The following WDR41 variants were observed in gnomAD, a reference collection of about 807,000 sequenced individuals.
The protein encoded by WDR41 is WD repeat-containing protein 41.
In WDR41, 63 loss-of-function variants were observed where a neutral mutation model predicts 69.3. That is an observed-to-expected ratio of 0.91 (90% CI 0.74 to 1.12). WDR41 has a LOEUF of 1.12. WDR41 is among the 50% of genes most tolerant of loss of function. WDR41 has a pLI of 0.00. For synonymous variants in WDR41, 185 were observed against 192.1 expected, an observed-to-expected ratio of 0.96 and a Z score of 0.31; for missense variants, 543 against 534.5, an observed-to-expected ratio of 1.02 and a Z score of -0.16.
At chr5:77,447,181 A>G (rs1368081501) in intron 8 of WDR41, among the ~76,000 whole-genome samples, 1 of 152,262 alleles carries the variant, frequency 6.6e-6, no homozygotes, top group Non-Finnish European at 1.5e-5. Context: ...ATCACTGATC[A>G]TTAGAGAAAT....
intron 1 of WDR41, among the ~76,000 whole-genome samples, chr5:77,595,031 G>A (rs975736645): frequency 6.6e-6 from 1 of 152,144 alleles, no homozygotes; most frequent in African/African-American, 2.4e-5. Flanking sequence ...ACAGAGGAGA[G>A]AAAACATTTT....
chr5:77,574,853 C>T (rs1186027952), intron 1 of WDR41, among the ~76,000 whole-genome samples: 1 of 152,142 alleles, frequency 6.6e-6, no homozygotes, highest in Non-Finnish European at 1.5e-5. Flanking sequence ...GTAGTTGAAA[C>T]AAGAAAGTCC....
chr5:77,601,693 A>T (rs1744326323), intron 1 of WDR41, among the ~76,000 whole-genome samples: 1 of 152,140 alleles, frequency 6.6e-6, no homozygotes, highest in African/African-American at 2.4e-5. Context: ...TCACCACCCA[A>T]TGGCTCATCT....
At chr5:77,460,740 TG>T (rs1475583173) in intron 4 of WDR41, among the ~76,000 whole-genome samples, 1 of 152,220 alleles carries the variant, frequency 6.6e-6, no homozygotes, top group East Asian at 1.9e-4. Context: ...ACAATATTTT[TG>T]GTAATTTTGT....
intron 1 of WDR41, among the ~76,000 whole-genome samples, chr5:77,502,413 A>G (rs1285404976): frequency 1.3e-5 from 2 of 152,204 alleles, no homozygotes; most frequent in African/African-American, 4.8e-5. Context: ...CCTGAAAGTG[A>G]TCGGGAGAAT....
rs574458526 is a variant in WDR41, at chr5:77,609,010, C to G, written c.42+11469G>C. Among the ~76,000 whole-genome samples, 23 of 152,344 alleles carry G rather than the reference C, an allele frequency of 1.5e-4. No individual in the cohort carries two copies. The East Asian group carries it at 4.2e-3, about 28-fold the overall frequency. ...GCGCACCGGGAGATTATATCCCGCA[C>G]CTGGCTCGGAGGGTCCTATGCCCAC... On this transcript the variant is annotated intron_variant, in intron 1 of 5. Transcript: ENST00000509971.
chr5:77,451,186 T>C (rs1799613879), intron 7 of WDR41, 105 bp downstream of exon 7: 2 of 993,758 alleles, frequency 2.0e-6, no homozygotes, highest in Non-Finnish European at 3.1e-6. Context: ...AAGCCAAGAG[T>C]GGGGCACACG....
intron 1 of WDR41, among the ~76,000 whole-genome samples, chr5:77,503,528 A>G (rs1802053006): frequency 6.6e-6 from 1 of 152,236 alleles, no homozygotes. Context: ...AAGCAGACCT[A>G]ATAGACATCT....
At chr5:77,517,921 T>C (rs1419600998) in intron 1 of WDR41, among the ~76,000 whole-genome samples, 1 of 152,138 alleles carries the variant, frequency 6.6e-6, no homozygotes, top group African/African-American at 2.4e-5. Flanking sequence ...ATGTGTATTG[T>C]GTATACCATC....
At chr5:77,506,022 C>G (rs956876978) in intron 1 of WDR41, among the ~76,000 whole-genome samples, 15 of 152,214 alleles carry the variant, frequency 9.9e-5, no homozygotes, top group African/African-American at 3.6e-4. Flanking sequence ...GCAAGAAAAG[C>G]CAAAATAGAC....
At chr5:77,451,654 G>A (rs1222350181) in intron 6 of WDR41, 1 of 245,388 alleles carries the variant, frequency 4.1e-6, no homozygotes, top group African/African-American at 2.3e-5. Context: ...ATTTACCAGG[G>A]ATCCCTTAAG....
At position 77,432,935 on chromosome 5, in the gene WDR41, A is replaced by G; in HGVS notation, c.*200T>C. 2.0e-6 allele frequency: 1 copy of G among 500,024 alleles called. No homozygotes were observed. The highest frequency in any genetic ancestry group is 3.4e-5 in the East Asian group (1 of 29,724). The allele number at this position is 500,024 out of a possible 1,614,324, so 31.0% of individuals were successfully genotyped here. On this transcript the variant is annotated 3_prime_UTR_variant, in exon 13 of 13. Coordinates refer to ENST00000296679, the MANE Select transcript of WDR41 (RefSeq NM_018268.4). ...AAAGTCAAATGGAAAAACTTGTGGT[A>G]TATTCTTTGGAGGATATACTAGGAC...
At chr5:77,512,331 T>A (rs1461001222) in intron 1 of WDR41, among the ~76,000 whole-genome samples, 10 of 87,920 alleles carry the variant, frequency 1.1e-4, no homozygotes, top group Admixed American at 2.6e-4. Context: ...ATGGGGTGAG[T>A]GAGAGAGAGA....
chr5:77,595,637 G>A (rs960437915), intron 1 of WDR41, among the ~76,000 whole-genome samples: 1 of 152,140 alleles, frequency 6.6e-6, no homozygotes, highest in Non-Finnish European at 1.5e-5. Flanking sequence ...AAATGTGCAG[G>A]GTCACAATTC....
chr5:77,527,339 T>C (rs1333319663), intron 1 of WDR41, among the ~76,000 whole-genome samples: 1 of 151,906 alleles, frequency 6.6e-6, no homozygotes, highest in Non-Finnish European at 1.5e-5. Flanking sequence ...GAAGCTGATA[T>C]ATCTGTAGTA....
At chr5:77,566,806 G>A (rs1743641106) in intron 1 of WDR41, among the ~76,000 whole-genome samples, 1 of 152,126 alleles carries the variant, frequency 6.6e-6, no homozygotes, top group African/African-American at 2.4e-5. Flanking sequence ...TGAATTGACT[G>A]CAATCAAAGT....
chr5:77,576,404 T>C (rs772686535), intron 1 of WDR41, among the ~76,000 whole-genome samples: 11 of 152,200 alleles, frequency 7.2e-5, no homozygotes, highest in Non-Finnish European at 1.2e-4. Context: ...CACTTCCTAA[T>C]GTCCCACTGA....
intron 2 of WDR41, among the ~76,000 whole-genome samples, chr5:77,475,160 G>A (rs1800847736): frequency 6.6e-6 from 1 of 152,192 alleles, no homozygotes. Flanking sequence ...TCACTTGGAG[G>A]GTCCTACGCC....
At chr5:77,612,324 G>A (rs911445170) in intron 1 of WDR41, among the ~76,000 whole-genome samples, 1 of 152,044 alleles carries the variant, frequency 6.6e-6, no homozygotes, top group African/African-American at 2.4e-5. Context: ...CCCAAAACCA[G>A]GCAGAGACAC....
Sources: allele counts gnomAD v4.1 joint callset (sites outside exome capture counted in the v4.1 genomes callset), GRCh38; gene constraint gnomAD v4.1.1; transcripts MANE v1.5; gene names NCBI Gene and HGNC (gene_info 2026-07-23, HGNC 2026-07-21).